Variants in TNS1 observed in about 807,000 individuals in gnomAD.
TNS1 encodes tensin-1.
In TNS1, 62 loss-of-function variants were observed where a neutral mutation model predicts 168.6. The ratio of observed to expected loss-of-function variants is 0.37; its 90% confidence interval spans 0.30 to 0.45. The LOEUF is 0.45. Among genes scored for constraint, TNS1 ranks in the 20% least tolerant of loss-of-function variants. TNS1 has a pLI of 1.00. For synonymous variants in TNS1, 934 were observed against 933.2 expected (o/e 1.00, Z -0.02); for missense variants, 2,240 against 2,339.4 (o/e 0.96, Z 0.88).
intron 1 of TNS1, chr2:217,992,279 CCT>C (rs1418202754): frequency 1.3e-5 from 2 of 152,858 alleles, no homozygotes; most frequent in East Asian, 3.8e-4. Flanking sequence ...CAGGCACAGA[CCT>C]CTCTGACACC....
At position 217,818,245 on chromosome 2, in the gene TNS1, G is replaced by A. The variant is rs755506192; in HGVS notation, c.4087C>T (p.Leu1363Phe). The change falls in exon 24 of 33, where the codon CTC becomes TTC. Residue 1363 changes from leucine (L) to phenylalanine (F), a missense_variant. By Grantham distance (22) the Leu-to-Phe change is conservative (BLOSUM62 0). Around this residue, in one of 2 missense-constraint regions of TNS1, gnomAD observed 2,131 missense variants for 2,171.2 expected, o/e 0.98. Transcript: ENST00000682258. The part of the protein sequence containing the change: ...HPAGVYQVSG[L>F]HNKVATTPGS... ...GGGGTGGTGGCCACTTTGTTGTGGA[G>A]GCCAGAAACCTGGTAGACCCCTGCT... 1.2e-6 allele frequency: 2 copies of A among 1,613,834 alleles called. No individual in the cohort carries two copies. The highest frequency in any genetic ancestry group is 1.7e-6 in the Non-Finnish European group (2 of 1,179,882).
rs1459670690 is a variant in TNS1 at position 217,978,813 on chromosome 2, G to T, written c.149-11C>A. ...AGGAGAAGCTGCAGACTGCAAGAGG[G>T]CGAGACACAGAAAGAAAGTTTTAGC... On this transcript the variant is annotated splice_polypyrimidine_tract_variant and intron_variant, in intron 2 of 32. Coordinates refer to ENST00000682258, the MANE Select transcript of TNS1 (RefSeq NM_001387777.1). 1 of 702,250 alleles carries T rather than the reference G, an allele frequency of 1.4e-6. No individual in the cohort carries two copies. The highest frequency in any genetic ancestry group is 2.6e-6 in the Non-Finnish European group (1 of 384,568). 43.5% of individuals were successfully genotyped at this position (702,250 alleles called of 1,614,324 possible).
intron 18 of TNS1, among the ~76,000 whole-genome samples, chr2:217,876,352 A>G (rs559112720): frequency 5.3e-5 from 8 of 152,210 alleles, no homozygotes; most frequent in Non-Finnish European, 1.0e-4. Flanking sequence ...ACGGGGCATC[A>G]GAACTCAGGC....
In TNS1 at chr2:217,893,419, C is replaced by CACACAT; in HGVS notation, c.717+19_717+20insATGTGT. On this transcript the variant is annotated intron_variant, in intron 10 of 32. Coordinates refer to ENST00000682258, the MANE Select transcript of TNS1 (RefSeq NM_001387777.1). ...GCGCGCGCACACACACACACACACA[C>CACACAT]ACACACACACAGCTCTGACCTTGTT... The CACACAT allele has an allele frequency of 6.3e-7, 1 of 1,589,650 alleles. No homozygotes were observed. The highest frequency in any genetic ancestry group is 1.1e-5 in the South Asian group (1 of 88,490).
intron 3 of TNS1, among the ~76,000 whole-genome samples, chr2:217,959,832 G>A (rs1957453677): frequency 6.6e-6 from 1 of 151,984 alleles, no homozygotes; most frequent in Admixed American, 6.5e-5. Flanking sequence ...GGGAGAGAGG[G>A]GCAAGTGGGG....
chr2:217,995,546 A>G lies in TNS1; in HGVS notation c.34-4490T>C, dbSNP rs1356646320. Among the ~76,000 whole-genome samples the G allele has an allele frequency of 1.3e-5, 2 of 152,180 alleles. No homozygotes were observed. The highest frequency in any genetic ancestry group is 4.8e-5 in the African/African-American group (2 of 41,448). On this transcript the variant is annotated intron_variant, in intron 1 of 32. Coordinates refer to ENST00000682258, the MANE Select transcript of TNS1 (RefSeq NM_001387777.1). This position sits in a 1 kb window ranked among gnomAD's most constrained non-coding sequence, Gnocchi z 4.1. ...TCCCCCCGGGTTGTTCTGCAGGTAC[A>G]GGCAGAGGATGTAAACAAGCCCCAA...
chr2:217,952,809 G>A (rs774204230), intron 3 of TNS1, among the ~76,000 whole-genome samples: 6 of 152,180 alleles, frequency 3.9e-5, no homozygotes, highest in Non-Finnish European at 8.8e-5. Context: ...GGCAAGAAGG[G>A]CCCCCAAATC....
intron 1 of TNS1, among the ~76,000 whole-genome samples, chr2:218,009,464 C>G (rs973068843): frequency 1.3e-5 from 2 of 152,074 alleles, no homozygotes; most frequent in Non-Finnish European, 2.9e-5. Context: ...CGATGCTCAA[C>G]CAGGACACGC....
chr2:217,958,003 T>TCACACACACACA (rs57381974), intron 3 of TNS1, among the ~76,000 whole-genome samples: 14,796 of 145,642 alleles, frequency 0.1, 828 homozygotes, highest in Middle Eastern at 0.15. Flanking sequence ...AATAAAGAAT[T>TCACACACACACA]CACACACACA....
intron 18 of TNS1, among the ~76,000 whole-genome samples, chr2:217,868,764 C>G (rs970231623): frequency 6.6e-6 from 1 of 152,262 alleles, no homozygotes; most frequent in Non-Finnish European, 1.5e-5. Flanking sequence ...GCCCAGACAG[C>G]CTGAGTCCCA....
chr2:218,016,222 TGGG>T (rs1218584244), intron 1 of TNS1, among the ~76,000 whole-genome samples: 5 of 151,990 alleles, frequency 3.3e-5, no homozygotes, highest in African/African-American at 1.2e-4. Flanking sequence ...AGAGGGTGGT[TGGG>T]TTGAGAGGCA....
chr2:217,808,345 G>T (rs1014093581), intron 31 of TNS1, among the ~76,000 whole-genome samples: 1 of 152,124 alleles, frequency 6.6e-6, no homozygotes, highest in African/African-American at 2.4e-5. Context: ...ATCATGGAGA[G>T]GAGAAGCAGA....
At chr2:217,920,089 C>G in intron 4 of TNS1, 106 bp downstream of exon 4, 1 of 697,324 alleles carries the variant, frequency 1.4e-6, no homozygotes, top group Non-Finnish European at 2.6e-6. Context: ...ACCTAATTGT[C>G]CGACACCCCA....
chr2:217,951,969 C>T lies in TNS1; in HGVS notation c.186+26796G>A, dbSNP rs115544794. ...CATTCCACAAGTACTTTCTAAGTGCCCGCAGTGGCCCAGGCCCTGTGAGGC... is the reference window on the plus strand; with the variant it reads ...CATTCCACAAGTACTTTCTAAGTGCTCGCAGTGGCCCAGGCCCTGTGAGGC... On this transcript the variant is annotated intron_variant, in intron 3 of 32. Transcript: ENST00000682258. Among the ~76,000 whole-genome samples the T allele has an allele frequency of 4.3e-3, 653 of 152,382 alleles. 8 individuals are homozygous for T. The highest frequency in any genetic ancestry group is 0.015 in the African/African-American group (626 of 41,590).
chr2:217,822,010 C>T (rs1942944749), intron 22 of TNS1, 72 bp from the exon 23 acceptor site: 24 of 1,433,972 alleles, frequency 1.7e-5, no homozygotes, highest in Non-Finnish European at 2.1e-5. Context: ...CCCCCAACCT[C>T]CCCTGGAACA....
At chr2:217,966,721 C>T (rs925113675) in intron 3 of TNS1, among the ~76,000 whole-genome samples, 5 of 152,178 alleles carry the variant, frequency 3.3e-5, no homozygotes, top group African/African-American at 1.2e-4. Flanking sequence ...AACACTGACC[C>T]ATTGCTCTCC....
At chr2:217,909,572 C>T (rs1462786020) in intron 4 of TNS1, among the ~76,000 whole-genome samples, 2 of 9,612 alleles carry the variant, frequency 2.1e-4, no homozygotes, top group East Asian at 4.8e-3. Context: ...CCTGGGTGCC[C>T]ACACACACAC....
At chr2:218,001,508 T>C (rs1233388769) in intron 1 of TNS1, among the ~76,000 whole-genome samples, 1 of 152,120 alleles carries the variant, frequency 6.6e-6, no homozygotes, top group African/African-American at 2.4e-5. Context: ...CCTGGACGTC[T>C]ACCTGCCATC....
chr2:217,933,238 A>C (rs917971203), intron 3 of TNS1, among the ~76,000 whole-genome samples: 1 of 152,162 alleles, frequency 6.6e-6, no homozygotes, highest in Non-Finnish European at 1.5e-5. Flanking sequence ...GAGGGGAAGG[A>C]GGAGGGCAAA....
Sources: gnomAD v4.1 joint callset for allele counts (sites outside exome capture counted in the v4.1 genomes callset) on GRCh38, gnomAD v4.1.1 for gene constraint, gnomAD v4.1.1 regional missense constraint, Gnocchi (gnomAD v3.1) non-coding constraint, MANE v1.5 for transcripts, NCBI Gene and HGNC (gene_info 2026-07-23, HGNC 2026-07-21) for gene names.